Variants in DCHS2 observed in about 807,000 individuals in gnomAD.
The protein encoded by DCHS2 is protocadherin-23.
In DCHS2, 142 loss-of-function variants were observed where a neutral mutation model predicts 182.4. That is an observed-to-expected ratio of 0.78 (90% CI 0.68 to 0.89). The LOEUF is 0.89. Among genes scored for constraint, DCHS2 ranks in the 40% least tolerant of loss-of-function variants. DCHS2 has a pLI of 0.00. For missense variants in DCHS2, 4,319 were observed against 4,198.6 expected (o/e 1.03, Z -0.79); for synonymous variants, 1,740 against 1,663.3 (o/e 1.05, Z -1.12).
rs758712894 is a variant in DCHS2, at chr4:154,236,029, C to T, written c.8623G>A (p.Glu2875Lys). 3 of 1,613,906 alleles carry T rather than the reference C, an allele frequency of 1.9e-6. No individual in the cohort carries two copies. The highest frequency in any genetic ancestry group is 2.2e-5 in the South Asian group (2 of 91,060). The stretch of plus-strand genomic sequence containing the variant: ...TCTTGAGTGAAAATGGGCTCAAATT[C>T]ATCTATCCCTTCAATATCCACCCAG... ...VVWVDIEGIDEFEPIFTQDQY... is the reference protein window; with the variant it reads ...VVWVDIEGIDKFEPIFTQDQY... The change falls in exon 20 of 20, where the codon GAA (glutamate) becomes AAA (lysine). Residue 2875 changes from glutamate (E) to lysine (K), a missense_variant. Transcript: ENST00000357232.
intron 13 of DCHS2, among the ~76,000 whole-genome samples, chr4:154,284,152 A>G (rs961937127): frequency 1.3e-5 from 2 of 152,238 alleles, no homozygotes; most frequent in Admixed American, 1.3e-4. Flanking sequence ...CAGTATTTCC[A>G]TAATTCAATG....
intron 6 of DCHS2, among the ~76,000 whole-genome samples, chr4:154,329,052 A>G (rs1045219771): frequency 9.2e-5 from 14 of 152,244 alleles, no homozygotes; most frequent in Admixed American, 9.2e-4. Flanking sequence ...TAATATAAAT[A>G]TAATTGCCAG....
Position 154,332,600 on chromosome 4 carries a change from C to T in DCHS2, c.3608G>A (p.Ser1203Asn), listed in dbSNP as rs1736585295. 1.2e-6 allele frequency: 2 copies of T among 1,614,210 alleles called. No homozygotes were observed. The highest frequency in any genetic ancestry group is 1.7e-5 in the Admixed American group (1 of 60,028). Residue 1203 changes from serine to asparagine, a missense_variant, in exon 5 of 20, where the codon AGC (serine) becomes AAC (asparagine). Physicochemically the swap from Ser to Asn is conservative, Grantham distance 46. Coordinates refer to ENST00000357232, the MANE Select transcript of DCHS2 (RefSeq NM_001358235.2). ...GCCTATTACCCCTTGGGGAACAGGG[C>T]TCTCTTCGACTTTCAAAAACAACAC... is the stretch of plus-strand genomic sequence containing the variant. ...HDVLFLKVEE[S>N]PVPQGVIGKI...
intron 3 of DCHS2, among the ~76,000 whole-genome samples, chr4:154,366,006 G>C (rs955396458): frequency 7.9e-5 from 12 of 151,974 alleles, no homozygotes; most frequent in Non-Finnish European, 1.0e-4. Flanking sequence ...TCAGTAGTAG[G>C]CAAAGCTGGG....
Position 154,298,041 on chromosome 4 carries a change from T to C in DCHS2, c.6273A>G (p.Gly2091=). ...ATGGATTTTGCTGAAATTGAATTTC[T>C]CCTGTGTATTTATCAATAGAAAACA... is the stretch of plus-strand genomic sequence containing the variant. ...QSMFSIDKYT[G]EIQFQQNPSS... The change falls in exon 13 of 20, where the codon GGA becomes GGG. Residue 2091 remains glycine, a synonymous_variant. Transcript: ENST00000357232. 3 of 1,614,134 alleles carry C rather than the reference T, an allele frequency of 1.9e-6. No individual in the cohort carries two copies. The highest frequency in any genetic ancestry group is 2.5e-6 in the Non-Finnish European group (3 of 1,180,012).
intron 1 of DCHS2, among the ~76,000 whole-genome samples, chr4:154,437,674 G>A (rs1366991234): frequency 2.0e-4 from 30 of 152,032 alleles, no homozygotes; most frequent in Admixed American, 2.0e-3. Flanking sequence ...CATATTCGTT[G>A]AATCTGGCTT....
At chr4:154,381,049 C>A (rs1241277149) in intron 1 of DCHS2, among the ~76,000 whole-genome samples, 2 of 152,080 alleles carry the variant, frequency 1.3e-5, no homozygotes, top group African/African-American at 2.4e-5. Context: ...CAAGAGGCAC[C>A]TGGCCAACTC....
intron 5 of DCHS2, among the ~76,000 whole-genome samples, chr4:154,330,976 C>A (rs1020722644): frequency 5.9e-5 from 9 of 152,088 alleles, no homozygotes; most frequent in Non-Finnish European, 1.2e-4. Context: ...AAAGACTGTG[C>A]AGCTCAGGCT....
At chr4:154,250,740 C>G (rs1732312414) in intron 16 of DCHS2, among the ~76,000 whole-genome samples, 1 of 152,204 alleles carries the variant, frequency 6.6e-6, no homozygotes, top group South Asian at 2.1e-4. Context: ...TTGCTGCAGT[C>G]TAGCTCAGCT....
chr4:154,247,589 C>T (rs944893423), intron 16 of DCHS2, among the ~76,000 whole-genome samples: 2 of 144,344 alleles, frequency 1.4e-5, no homozygotes, highest in Non-Finnish European at 3.0e-5. Flanking sequence ...TTGCACTGAG[C>T]CAAGATCACA....
rs116010590 is a variant in DCHS2 at position 154,465,115 on chromosome 4, T to C, written c.2052+24189A>G. On this transcript the variant is annotated intron_variant, in intron 1 of 19. Coordinates refer to ENST00000357232, the MANE Select transcript of DCHS2 (RefSeq NM_001358235.2). ...ATATTTATCATCTCACAGTTTTGAG[T>C]CAGGAATCTACGAGTAGCTTAGCTT... Among the ~76,000 whole-genome samples, 794 of 152,306 alleles carry C rather than the reference T, an allele frequency of 5.2e-3. 3 individuals carry two copies. The highest frequency in any genetic ancestry group is 7.3e-3 in the Non-Finnish European group (497 of 68,030).
chr4:154,480,497 G>C (rs887197464), intron 1 of DCHS2, among the ~76,000 whole-genome samples: 1 of 152,194 alleles, frequency 6.6e-6, no homozygotes, highest in African/African-American at 2.4e-5. Context: ...TCATGAAAGT[G>C]AAGCTCTACT....
intron 14 of DCHS2, among the ~76,000 whole-genome samples, chr4:154,266,614 C>T (rs182736080): frequency 1.2e-4 from 18 of 150,606 alleles, no homozygotes; most frequent in African/African-American, 4.2e-4. Context: ...CGAGATCATG[C>T]CACTGCACTT....
chr4:154,449,127 C>T (rs1018161323), intron 1 of DCHS2, among the ~76,000 whole-genome samples: 3 of 151,888 alleles, frequency 2.0e-5, no homozygotes, highest in African/African-American at 4.8e-5. Context: ...GTGCCTCTGC[C>T]TTTCTGCCCC....
chr4:154,384,240 C>G, intron 1 of DCHS2: 2 of 1,415,550 alleles, frequency 1.4e-6, no homozygotes. Context: ...ATGATCGAGG[C>G]TTGATCTTTA....
intron 13 of DCHS2, among the ~76,000 whole-genome samples, chr4:154,294,140 C>G (rs2111268755): frequency 6.6e-6 from 1 of 152,298 alleles, no homozygotes; most frequent in South Asian, 2.1e-4. Context: ...AGACTTATAA[C>G]TACTGGTAAT....
chr4:154,435,518 C>A (rs1249336726), intron 1 of DCHS2, among the ~76,000 whole-genome samples: 1 of 151,824 alleles, frequency 6.6e-6, no homozygotes, highest in Non-Finnish European at 1.5e-5. Flanking sequence ...ATGGTGTGAA[C>A]CCGGGAGGCA....
chr4:154,298,856 A>C, intron 12 of DCHS2, 148 bp from the exon 13 acceptor site: 2 of 1,199,560 alleles, frequency 1.7e-6, no homozygotes, highest in South Asian at 2.2e-5. Context: ...AATATTGGGG[A>C]TATAACAGTA....
chr4:154,252,881 A>ATATT (rs1732450353), intron 16 of DCHS2, among the ~76,000 whole-genome samples: 1 of 152,100 alleles, frequency 6.6e-6, no homozygotes, highest in Non-Finnish European at 1.5e-5. Context: ...GAAATGTTTT[A>ATATT]TATTTTAAAA....
Sources: allele counts gnomAD v4.1 joint callset (sites outside exome capture counted in the v4.1 genomes callset), GRCh38; gene constraint gnomAD v4.1.1; transcripts MANE v1.5; gene names NCBI Gene and HGNC (gene_info 2026-07-23, HGNC 2026-07-21).